The following ZNF568 variants were observed in gnomAD, a reference collection of about 807,000 sequenced individuals.
ZNF568 encodes the protein p53 inhibitor of SCO2 activation.
A neutral mutation model predicts 18.1 loss-of-function variants in ZNF568; 11 were observed. The observed-to-expected ratio is 0.61, with a 90% CI of 0.38 to 1.00. ZNF568 has a LOEUF of 1.00. Ranked by LOEUF, ZNF568 falls within the 50% of genes least tolerant of loss-of-function variation. ZNF568 has a pLI of 0.01. For missense variants in ZNF568, 639 were observed against 768.2 expected, an observed-to-expected ratio of 0.83 and a Z score of 1.99; for synonymous variants, 213 against 246.6, an observed-to-expected ratio of 0.86 and a Z score of 1.28.
rs751491648 is a variant in ZNF568 at position 36,950,406 on chromosome 19, A to G, written c.1253A>G (p.Tyr418Cys). The change falls in exon 7 of 7, where the codon TAT becomes TGT. Residue 418 changes from tyrosine (Y) to cysteine (C), a missense_variant. Tyr to Cys is a radical substitution (Grantham distance 194). Transcript: ENST00000333987. ...AGAAGTCACACTGGTGAGAAACCCTATGTATGTAGTGAATGTGGGAAAGCC... is the reference window on the plus strand; with the variant it reads ...AGAAGTCACACTGGTGAGAAACCCTGTGTATGTAGTGAATGTGGGAAAGCC... ...HMRSHTGEKP[Y>C]VCSECGKAFS... is the part of the protein sequence containing the mutation. The G allele has an allele frequency of 7.4e-6, 12 of 1,614,006 alleles. No homozygotes were observed. The highest frequency in any genetic ancestry group is 1.0e-5 in the Non-Finnish European group (12 of 1,179,974).
intron 6 of ZNF568, among the ~76,000 whole-genome samples, chr19:36,971,631 C>T (rs964389068): frequency 1.2e-4 from 18 of 152,068 alleles, no homozygotes; most frequent in African/African-American, 4.1e-4. Context: ...GAGACGCAGT[C>T]TCGCTCTATC....
chr19:36,927,888 TATATATATA>T (rs1568381497), intron 4 of ZNF568, among the ~76,000 whole-genome samples: 7 of 8,198 alleles, frequency 8.5e-4, no homozygotes, highest in African/African-American at 2.0e-3. Flanking sequence ...ATATATATAT[TATATATATA>T]TATATATTTT....
chr19:36,948,841 C>G (rs1323172179), intron 6 of ZNF568, among the ~76,000 whole-genome samples: 1 of 151,994 alleles, frequency 6.6e-6, no homozygotes, highest in African/African-American at 2.4e-5. Context: ...GAGGGAACAT[C>G]CTTGCCTTGT....
At chr19:36,933,924 GT>G (rs140279289) in intron 4 of ZNF568, among the ~76,000 whole-genome samples, 28 of 29,936 alleles carry the variant, frequency 9.4e-4, no homozygotes, top group Admixed American at 2.2e-3. Flanking sequence ...TTGTTTTTTT[GT>G]TTTTTTTTTT....
downstream of ZNF568, among the ~76,000 whole-genome samples, chr19:36,954,734 A>AG (rs2146317656): frequency 7.0e-6 from 1 of 141,878 alleles, no homozygotes; most frequent in South Asian, 2.4e-4. Context: ...ATGCCTGGCT[A>AG]ATTTTTTTTT....
At chr19:36,963,877 G>A (rs1170560018) in intron 6 of ZNF568, among the ~76,000 whole-genome samples, 1 of 151,968 alleles carries the variant, frequency 6.6e-6, no homozygotes, top group Non-Finnish European at 1.5e-5. Flanking sequence ...TGAGGCAGAA[G>A]AATCGCTTGA....
At chr19:36,949,376 C>A in intron 6 of ZNF568, 136 bp from the exon 7 acceptor site, 1 of 939,728 alleles carries the variant, frequency 1.1e-6, no homozygotes, top group Non-Finnish European at 1.5e-6. Flanking sequence ...GGAACATTTA[C>A]TCTTAGCTTT....
rs1008165313 is a variant in ZNF568, at chr19:36,916,361, G to C, written c.-486G>C. ...TCCTCGGAAACGTCGCTGGCGCGGAGGGATGGTTCGGCGCTTTAGGCGTCT... is the reference window on the plus strand; with the variant it reads ...TCCTCGGAAACGTCGCTGGCGCGGACGGATGGTTCGGCGCTTTAGGCGTCT... On this transcript the variant is annotated 5_prime_UTR_variant, in exon 1 of 7. Transcript: ENST00000333987. This position sits in a 1 kb window ranked among gnomAD's most constrained non-coding sequence, Gnocchi z 5.3. The C allele has an allele frequency of 1.2e-5, 2 of 161,142 alleles. No homozygotes were observed. The highest frequency in any genetic ancestry group is 2.4e-5 in the African/African-American group (1 of 41,824). The allele number at this position is 161,142 out of a possible 1,614,324, so 10.0% of individuals were successfully genotyped here.
chr19:36,930,390 T>C (rs1369918187), intron 4 of ZNF568, among the ~76,000 whole-genome samples: 1 of 151,930 alleles, frequency 6.6e-6, no homozygotes, highest in Non-Finnish European at 1.5e-5. Flanking sequence ...TTTGTATCTT[T>C]AGTAGAGATG....
chr19:36,919,352 A>G (rs1238171665), intron 2 of ZNF568, among the ~76,000 whole-genome samples: 1 of 152,202 alleles, frequency 6.6e-6, no homozygotes, highest in Non-Finnish European at 1.5e-5. Context: ...GACTATATAC[A>G]TACATGACAG....
chr19:36,930,605 T>A (rs2073671419), intron 4 of ZNF568, among the ~76,000 whole-genome samples: 1 of 152,192 alleles, frequency 6.6e-6, no homozygotes, highest in Admixed American at 6.5e-5. Context: ...TTAAAAAATG[T>A]TTTCTCTTTT....
intron 6 of ZNF568, among the ~76,000 whole-genome samples, chr19:36,945,208 GA>G (rs1600809783): frequency 8.0e-6 from 1 of 124,448 alleles, no homozygotes; most frequent in Non-Finnish European, 1.7e-5. Flanking sequence ...GACAGAGAGA[GA>G]AGTGTGTGTG....
exon 5 of ZNF568, chr19:36,996,731 C>T: frequency 6.5e-7 from 1 of 1,537,592 alleles, no homozygotes; most frequent in South Asian, 1.2e-5. Context: ...AACAAATGTG[C>T]CTTTAATCAT....
intron 6 of ZNF568, chr19:36,973,746 C>A: frequency 6.5e-6 from 1 of 152,962 alleles, no homozygotes; most frequent in Non-Finnish European, 1.5e-5. Flanking sequence ...TTCTGTGTGG[C>A]TGTGCATGTA....
chr19:36,918,887 G>T (rs575076593), intron 2 of ZNF568, among the ~76,000 whole-genome samples: 1 of 152,162 alleles, frequency 6.6e-6, no homozygotes, highest in East Asian at 1.9e-4. Flanking sequence ...ATCATATGTT[G>T]TTTGTGCTTT....
At chr19:36,981,471 T>A (rs1406196006), downstream of ZNF568, among the ~76,000 whole-genome samples, 2 of 152,184 alleles carry the variant, frequency 1.3e-5, no homozygotes, top group African/African-American at 2.4e-5. Flanking sequence ...CTTACTTGAG[T>A]CTTGTGGAAT....
rs563971022 is a variant in ZNF568, at chr19:36,949,637, T to C, written c.484T>C (p.Phe162Leu). 1.2e-6 allele frequency: 2 copies of C among 1,613,812 alleles called. No homozygotes were observed. Among genetic ancestry groups the C allele is most frequent in the African/African-American group, 1.3e-5 (1 of 75,040 alleles). The change falls in exon 7 of 7, where the codon TTT (phenylalanine) becomes CTT (leucine). Residue 162 changes from phenylalanine to leucine, a missense_variant. Physicochemically the swap from Phe to Leu is conservative, Grantham distance 22. Transcript: ENST00000333987. ...TGAATGTAAAAAAGTTGCGAAAATA[T>C]TTCCTCTGAGTTCAGACATTGTTAC... ...VIECKKVAKI[F>L]PLSSDIVTSR...
At chr19:36,965,773 C>T (rs1381668890) in intron 6 of ZNF568, among the ~76,000 whole-genome samples, 1 of 148,790 alleles carries the variant, frequency 6.7e-6, no homozygotes, top group Non-Finnish European at 1.5e-5. Context: ...GTGATCTCGG[C>T]TCACTGCAAC....
intron 4 of ZNF568, among the ~76,000 whole-genome samples, chr19:36,993,948 G>A (rs1186673288): frequency 1.4e-5 from 2 of 147,130 alleles, no homozygotes; most frequent in African/African-American, 5.0e-5. Context: ...GAAGCTTTAT[G>A]TTTTTGTTTA....
Sources: gnomAD v4.1 joint callset for allele counts (sites outside exome capture counted in the v4.1 genomes callset) on GRCh38, gnomAD v4.1.1 for gene constraint, Gnocchi (gnomAD v3.1) non-coding constraint, MANE v1.5 for transcripts, NCBI Gene and HGNC (gene_info 2026-07-23, HGNC 2026-07-21) for gene names.